SPSB1: variants seen among roughly 807,000 people sequenced by gnomAD.
SPSB1 encodes the protein SPRY domain-containing SOCS box protein 1.
In SPSB1, 8 loss-of-function variants were observed where a neutral mutation model predicts 21.2. That is an observed-to-expected ratio of 0.38 (90% CI 0.22 to 0.68). The LOEUF (loss-of-function observed/expected upper bound fraction) is 0.68, where lower values mean the gene tolerates loss of function less well. Ranked by LOEUF, SPSB1 falls within the 30% of genes least tolerant of loss-of-function variation. The pLI, the probability that SPSB1 is intolerant of heterozygous loss-of-function variation, is 0.53. For missense variants in SPSB1, 242 were observed against 377.8 expected (o/e 0.64, Z 2.98); for synonymous variants, 169 against 161.7 (o/e 1.05, Z -0.34).
rs139840514 is a variant in SPSB1, at chr1:9,358,821, TC to T, written c.694+2238del. Among the ~76,000 whole-genome samples the T allele has an allele frequency of 3.8e-3, 579 of 152,230 alleles. 3 individuals are homozygous for T. The highest frequency in any genetic ancestry group is 8.6e-3 in the African/African-American group (359 of 41,526). On this transcript the variant is annotated intron_variant, in intron 2 of 2. Coordinates refer to ENST00000328089, the MANE Select transcript of SPSB1 (RefSeq NM_025106.4). Reference sequence around the variant, plus strand: ...CAGCTTCACGGTTATGTATCATAGCTCCAGTACAGTACACAGACCCCTGGAG... The same window carrying T: ...CAGCTTCACGGTTATGTATCATAGCTCAGTACAGTACACAGACCCCTGGAG...
intron 1 of SPSB1, among the ~76,000 whole-genome samples, chr1:9,301,546 A>G (rs9728899): frequency 0.011 from 1,626 of 149,700 alleles, 29 homozygotes; most frequent in African/African-American, 0.039. Context: ...GATAGACCTG[A>G]GTGCGCACAG....
intron 1 of SPSB1, among the ~76,000 whole-genome samples, chr1:9,326,379 G>C (rs904861457): frequency 2.6e-5 from 4 of 152,204 alleles, no homozygotes; most frequent in Non-Finnish European, 2.9e-5. Flanking sequence ...TGGAGTCTCT[G>C]AAGGGGCCAC....
rs772159796 is a variant in SPSB1, at chr1:9,321,601, G to A, written c.-150+28530G>A. 7.2e-5 allele frequency among the ~76,000 whole-genome samples: 11 copies of A among 152,114 alleles called. No homozygotes were observed. The highest frequency in any genetic ancestry group is 2.1e-4 in the South Asian group (1 of 4,818). Reference sequence around the variant, plus strand: ...AGGGAGACCGATGCATAGGCAGCTCGCTAATGCTGTGTTTCATCACATCTG... The same window carrying A: ...AGGGAGACCGATGCATAGGCAGCTCACTAATGCTGTGTTTCATCACATCTG... On this transcript the variant is annotated intron_variant, in intron 1 of 2. Transcript: ENST00000328089. This position sits in a 1 kb window ranked among gnomAD's most constrained non-coding sequence, Gnocchi z 4.8.
Position 9,319,850 on chromosome 1 carries a change from G to C in SPSB1, c.-150+26779G>C, listed in dbSNP as rs556534218. Among the ~76,000 whole-genome samples the C allele has an allele frequency of 2.0e-5, 3 of 152,178 alleles. No homozygotes were observed. The East Asian group carries it at 5.8e-4, about 29-fold the overall frequency. On this transcript the variant is annotated intron_variant, in intron 1 of 2. Transcript: ENST00000328089. ...CGCTGTTTCTGTGGCCACTGGAGCTGCTGGCCCAGCCAGTCGCCACCTGGC... is the reference window on the plus strand; with the variant it reads ...CGCTGTTTCTGTGGCCACTGGAGCTCCTGGCCCAGCCAGTCGCCACCTGGC...
At chr1:9,360,282 A>C (rs1023379929) in intron 2 of SPSB1, among the ~76,000 whole-genome samples, 1 of 152,146 alleles carries the variant, frequency 6.6e-6, no homozygotes, top group African/African-American at 2.4e-5. Flanking sequence ...CAGAAGGGCA[A>C]AGTAGCAGCA....
chr1:9,320,794 G>C (rs150526150), intron 1 of SPSB1, among the ~76,000 whole-genome samples: 4 of 152,246 alleles, frequency 2.6e-5, no homozygotes, highest in Non-Finnish European at 4.4e-5. Flanking sequence ...TTGTTTCCTC[G>C]TGGGGGATTT....
At chr1:9,322,492 G>A (rs1363682258) in intron 1 of SPSB1, among the ~76,000 whole-genome samples, 1 of 152,194 alleles carries the variant, frequency 6.6e-6, no homozygotes, top group Admixed American at 6.5e-5. Flanking sequence ...TGGGCCCTTG[G>A]CCAGAGGCAT....
At chr1:9,311,914 G>A (rs1007743160) in intron 1 of SPSB1, among the ~76,000 whole-genome samples, 8 of 152,074 alleles carry the variant, frequency 5.3e-5, no homozygotes. Context: ...GCAGGGAAAT[G>A]GGACTGGTTT....
chr1:9,335,462 A>G (rs1445694668), intron 1 of SPSB1, among the ~76,000 whole-genome samples: 1 of 150,108 alleles, frequency 6.7e-6, no homozygotes, highest in African/African-American at 2.5e-5. Flanking sequence ...AGATCACACC[A>G]CTGCACTCCA....
rs1270294652 is a variant in SPSB1, at chr1:9,293,719, C to CTT, written c.-150+648_-150+649insTT. On this transcript the variant is annotated intron_variant, in intron 1 of 2. Coordinates refer to ENST00000328089, the MANE Select transcript of SPSB1 (RefSeq NM_025106.4). This position sits in a 1 kb window ranked among gnomAD's most constrained non-coding sequence, Gnocchi z 5.1. ...GAAAAACAAGGGCGGCCTGGGCCCG[C>CTT]GGGAGGAACCGCGGATGGGTCACCG... Among the ~76,000 whole-genome samples the CTT allele has an allele frequency of 1.3e-5, 2 of 152,116 alleles. No homozygotes were observed. The highest frequency in any genetic ancestry group is 2.9e-5 in the Non-Finnish European group (2 of 68,014).
At chr1:9,330,770 C>T (rs566776892) in intron 1 of SPSB1, among the ~76,000 whole-genome samples, 1 of 151,876 alleles carries the variant, frequency 6.6e-6, no homozygotes, top group Admixed American at 6.6e-5. Flanking sequence ...CCATTTAAGA[C>T]GTGCAGTTCA....
At chr1:9,313,169 G>A (rs769284065) in intron 1 of SPSB1, among the ~76,000 whole-genome samples, 14 of 152,182 alleles carry the variant, frequency 9.2e-5, no homozygotes, top group Non-Finnish European at 1.5e-4. Context: ...GGCTGAGGCG[G>A]GTGGATCACC....
intron 1 of SPSB1, among the ~76,000 whole-genome samples, chr1:9,319,146 A>G (rs1183863602): frequency 6.6e-6 from 1 of 152,080 alleles, no homozygotes; most frequent in East Asian, 1.9e-4. Context: ...ACACCACTGC[A>G]CTCTAGCCTG....
intron 2 of SPSB1, among the ~76,000 whole-genome samples, chr1:9,364,197 C>G (rs531128321): frequency 6.6e-6 from 1 of 152,194 alleles, no homozygotes; most frequent in East Asian, 1.9e-4. Flanking sequence ...CACATTCTCC[C>G]GGGAGGGAGC....
intron 1 of SPSB1, among the ~76,000 whole-genome samples, chr1:9,333,804 A>T (rs973772917): frequency 6.6e-6 from 1 of 152,146 alleles, no homozygotes; most frequent in African/African-American, 2.4e-5. Context: ...ATCAATAGCA[A>T]CATTCTCCCT....
chr1:9,349,563 C>T (rs1453323185), intron 1 of SPSB1, among the ~76,000 whole-genome samples: 1 of 152,240 alleles, frequency 6.6e-6, no homozygotes, highest in Non-Finnish European at 1.5e-5. Context: ...CGTGCAGGAG[C>T]GTGGGTGGGT....
intron 1 of SPSB1, among the ~76,000 whole-genome samples, chr1:9,338,408 G>A (rs866676273): frequency 2.6e-5 from 4 of 152,196 alleles, no homozygotes; most frequent in African/African-American, 7.2e-5. Flanking sequence ...TCCTGGCTGC[G>A]CCTAAGGCCC....
intron 2 of SPSB1, among the ~76,000 whole-genome samples, chr1:9,362,352 C>T (rs1275746308): frequency 7.9e-5 from 12 of 152,234 alleles, no homozygotes; most frequent in Non-Finnish European, 1.8e-4. Context: ...AGGCGTCCTT[C>T]CCCAGTTGAC....
Position 9,293,428 on chromosome 1 carries a change from CG to C in SPSB1, c.-150+361del. ...GTCCCGAGGAGGGGCTGGGGCGCTC[CG>C]GGGCCGCCGACCCGTCCCCCCTTTA... On this transcript the variant is annotated intron_variant, in intron 1 of 2. Transcript: ENST00000328089. This position sits in a 1 kb window ranked among gnomAD's most constrained non-coding sequence, Gnocchi z 5.1. 6.6e-6 allele frequency among the ~76,000 whole-genome samples: 1 copy of C among 151,556 alleles called. No individual in the cohort carries two copies. Among genetic ancestry groups the C allele is most frequent in the South Asian group, 2.1e-4 (1 of 4,822 alleles).
Sources: allele counts gnomAD v4.1 joint callset (sites outside exome capture counted in the v4.1 genomes callset), GRCh38; gene constraint gnomAD v4.1.1; non-coding constraint Gnocchi (gnomAD v3.1); transcripts MANE v1.5; gene names NCBI Gene and HGNC (gene_info 2026-07-23, HGNC 2026-07-21).